The following PRKN variants were observed in gnomAD, a reference collection of about 807,000 sequenced individuals.
PRKN encodes the protein E3 ubiquitin-protein ligase parkin.
Under a neutral mutation model 59.5 loss-of-function variants are expected in PRKN, and 56 were observed. The ratio of observed to expected loss-of-function variants is 0.94; its 90% confidence interval spans 0.76 to 1.18. PRKN has a LOEUF of 1.18. Ranked by LOEUF, PRKN falls within the 50% of genes most tolerant of loss-of-function variation. PRKN has a pLI of 0.00. For synonymous variants in PRKN, 250 were observed against 222.1 expected (o/e 1.13, Z -1.12); for missense variants, 657 against 596.4 (o/e 1.10, Z -1.06).
At chr6:162,045,051 G>A (rs1043080783) in intron 5 of PRKN, among the ~76,000 whole-genome samples, 6 of 152,172 alleles carry the variant, frequency 3.9e-5, no homozygotes, top group Admixed American at 6.5e-5. Flanking sequence ...TTCAATACTC[G>A]TTTTTCTATC....
rs376401464 is a variant in PRKN at position 161,354,958 on chromosome 6, G to C, written c.1286-4747C>G. 6.6e-5 allele frequency among the ~76,000 whole-genome samples: 10 copies of C among 152,342 alleles called. No homozygotes were observed. Among genetic ancestry groups the C allele is most frequent in the African/African-American group, 2.4e-4 (10 of 41,584 alleles). ...ACAACTCCATCTTTGGAGGCTGCCAGCATGTTCTGAGTCCAGGGCAGATCC... is the reference window on the plus strand; with the variant it reads ...ACAACTCCATCTTTGGAGGCTGCCACCATGTTCTGAGTCCAGGGCAGATCC... On this transcript the variant is annotated intron_variant, in intron 11 of 11. Transcript: ENST00000366898. This position sits in a 1 kb window ranked among gnomAD's most constrained non-coding sequence, Gnocchi z 6.7.
At chr6:162,248,074 C>A (rs1779271260) in intron 3 of PRKN, among the ~76,000 whole-genome samples, 1 of 152,124 alleles carries the variant, frequency 6.6e-6, no homozygotes, top group Admixed American at 6.6e-5. Flanking sequence ...AGCTGGAAAG[C>A]CTTAGGTTTG....
intron 4 of PRKN, among the ~76,000 whole-genome samples, chr6:162,055,141 G>A (rs1302141905): frequency 6.6e-6 from 1 of 152,096 alleles, no homozygotes; most frequent in Non-Finnish European, 1.5e-5. Context: ...CAGTCTGGGT[G>A]ACATAGCAAG....
intron 10 of PRKN, among the ~76,000 whole-genome samples, chr6:161,368,382 G>GATATAT (rs34367069): frequency 0.011 from 1,063 of 99,274 alleles, 34 homozygotes; most frequent in African/African-American, 0.028. Flanking sequence ...CCTCAGTCTT[G>GATATAT]ATATATATAT....
chr6:162,028,140 G>T (rs1335864098), intron 5 of PRKN, among the ~76,000 whole-genome samples: 1 of 152,152 alleles, frequency 6.6e-6, no homozygotes, highest in Non-Finnish European at 1.5e-5. Context: ...TTTTAGAAAA[G>T]CCAGGTGTTA....
At chr6:161,903,102 T>C (rs59619314) in intron 6 of PRKN, among the ~76,000 whole-genome samples, 3,888 of 152,230 alleles carry the variant, frequency 0.026, 146 homozygotes, top group African/African-American at 0.088. Flanking sequence ...ATGTCCGAAG[T>C]TGCCCAGCAC....
chr6:161,891,025 G>A (rs1795323023), intron 6 of PRKN, among the ~76,000 whole-genome samples: 1 of 152,152 alleles, frequency 6.6e-6, no homozygotes, highest in Non-Finnish European at 1.5e-5. Flanking sequence ...TTTCACTCTT[G>A]CTACAAAGCG....
At position 162,230,188 on chromosome 6, in the gene PRKN, G is replaced by A. The variant is rs377475548; in HGVS notation, c.413-28936C>T. Among the ~76,000 whole-genome samples the A allele has an allele frequency of 2.0e-4, 30 of 152,320 alleles. 1 individual carries two copies. Among genetic ancestry groups the A allele is most frequent in the African/African-American group, 7.0e-4 (29 of 41,566 alleles). On this transcript the variant is annotated intron_variant, in intron 3 of 11. Transcript: ENST00000366898. ...TCATTACATATGTATATATGCATGA[G>A]CATATCTTACTGAAGCAATTTTTAT... is the stretch of plus-strand genomic sequence containing the variant.
chr6:162,432,682 C>T (rs1214313299), intron 2 of PRKN, among the ~76,000 whole-genome samples: 2 of 152,190 alleles, frequency 1.3e-5, no homozygotes, highest in African/African-American at 2.4e-5. Flanking sequence ...CTTCATTCTG[C>T]TTATCAATTA....
chr6:162,369,348 C>T (rs965564859), intron 2 of PRKN, among the ~76,000 whole-genome samples: 2 of 152,168 alleles, frequency 1.3e-5, no homozygotes, highest in African/African-American at 4.8e-5. Context: ...TAAGAAAACT[C>T]TAGTTCTATG....
intron 2 of PRKN, among the ~76,000 whole-genome samples, chr6:162,380,412 TAC>T (rs1385990700): frequency 2.0e-5 from 2 of 99,874 alleles, no homozygotes; most frequent in Admixed American, 1.0e-4. Flanking sequence ...TATATATATA[TAC>T]ACACATATAT....
intron 1 of PRKN, among the ~76,000 whole-genome samples, chr6:162,487,614 C>T (rs922374525): frequency 2.0e-5 from 3 of 152,152 alleles, no homozygotes; most frequent in Admixed American, 6.5e-5. Flanking sequence ...GCTTCACTAA[C>T]ATAATAGATT....
At chr6:161,510,098 A>G (rs1273952097) in intron 9 of PRKN, among the ~76,000 whole-genome samples, 1 of 152,078 alleles carries the variant, frequency 6.6e-6, no homozygotes, top group Non-Finnish European at 1.5e-5. Flanking sequence ...AGACATATGC[A>G]TCGTTGAGAG....
intron 7 of PRKN, among the ~76,000 whole-genome samples, chr6:161,704,384 G>A (rs900253903): frequency 6.6e-6 from 1 of 152,124 alleles, no homozygotes; most frequent in South Asian, 2.1e-4. Context: ...ACTCTGACTC[G>A]TGCTGCCATC....
chr6:162,570,798 G>A (rs1242413382), intron 1 of PRKN, among the ~76,000 whole-genome samples: 2 of 152,132 alleles, frequency 1.3e-5, no homozygotes, highest in African/African-American at 4.8e-5. Flanking sequence ...TAGGAGAATA[G>A]TTATCAGAGG....
rs570297294 is a variant in PRKN, at chr6:161,468,280, C to A, written c.1083+80574G>T. 1.9e-3 allele frequency among the ~76,000 whole-genome samples: 285 copies of A among 151,942 alleles called. No individual in the cohort carries two copies. The highest frequency in any genetic ancestry group is 3.4e-3 in the Middle Eastern group (1 of 294). ...GAGCCGCCATGCCCAGCCTCTTACC[C>A]TATACTTTAAAACAAAAACAAAAAA... On this transcript the variant is annotated intron_variant, in intron 9 of 11. Transcript: ENST00000366898. This position sits in a 1 kb window ranked among gnomAD's most constrained non-coding sequence, Gnocchi z 5.9.
chr6:161,945,827 CTCACAATATGTG>C (rs1290762243), intron 6 of PRKN, among the ~76,000 whole-genome samples: 1 of 152,196 alleles, frequency 6.6e-6, no homozygotes, highest in Admixed American at 6.6e-5. Context: ...TATGTTTGTA[CTCACAATATGTG>C]TCACACCCTA....
intron 1 of PRKN, among the ~76,000 whole-genome samples, chr6:162,650,753 A>G (rs1330005815): frequency 6.6e-6 from 1 of 152,178 alleles, no homozygotes; most frequent in South Asian, 2.1e-4. Context: ...GGCTTATCCT[A>G]GAGTCCAATA....
At chr6:161,358,009 T>C (rs924053054) in intron 11 of PRKN, among the ~76,000 whole-genome samples, 2 of 152,218 alleles carry the variant, frequency 1.3e-5, no homozygotes, top group Non-Finnish European at 2.9e-5. Flanking sequence ...TTACCACCGA[T>C]TTATCACAAA....
Sources: allele counts gnomAD v4.1 joint callset (sites outside exome capture counted in the v4.1 genomes callset), GRCh38; gene constraint gnomAD v4.1.1; non-coding constraint Gnocchi (gnomAD v3.1); transcripts MANE v1.5; gene names NCBI Gene and HGNC (gene_info 2026-07-23, HGNC 2026-07-21).